The following TRIQK variants were observed in gnomAD, a reference collection of about 807,000 sequenced individuals.
TRIQK encodes the protein triple QxxK/R motif containing, also known as triple QxxK/R motif-containing protein.
In TRIQK, 10 loss-of-function variants were observed where a neutral mutation model predicts 10.8. That is an observed-to-expected ratio of 0.92 (90% CI 0.57 to 1.57). The LOEUF (loss-of-function observed/expected upper bound fraction) is 1.57, where lower values mean the gene tolerates loss of function less well. Among genes scored for constraint, TRIQK ranks in the 40% most tolerant of loss-of-function variants. The probability of loss-of-function intolerance (pLI) is 0.00; values close to 1 mark genes in which losing one functional copy is unlikely to be tolerated. For missense variants in TRIQK, 107 were observed against 97.7 expected, an observed-to-expected ratio of 1.09 and a Z score of -0.40; for synonymous variants, 33 against 33.7, an observed-to-expected ratio of 0.98 and a Z score of 0.07.
intron 3 of TRIQK, among the ~76,000 whole-genome samples, chr8:92,902,901 A>T (rs1040472423): frequency 2.0e-5 from 3 of 151,636 alleles, no homozygotes; most frequent in African/African-American, 7.3e-5. Context: ...ATGTATTGTG[A>T]TTTTGACTCT....
At chr8:92,887,507 T>A (rs1816548196) in intron 4 of TRIQK, among the ~76,000 whole-genome samples, 1 of 151,484 alleles carries the variant, frequency 6.6e-6, no homozygotes, top group Admixed American at 6.6e-5. Context: ...TATATGTATA[T>A]ATCTCTGTGT....
chr8:92,930,833 T>C (rs966824900), intron 2 of TRIQK, among the ~76,000 whole-genome samples: 24 of 152,302 alleles, frequency 1.6e-4, no homozygotes, highest in African/African-American at 5.8e-4. Flanking sequence ...TCAAGATTGT[T>C]TGAATTATCA....
Position 92,947,887 on chromosome 8 carries a change from AAGAC to A in TRIQK, c.-22+6515_-22+6518del, listed in dbSNP as rs200807888. ...ACTTGAGGGACGGTAGAAGAAAACTAAGACAGGAAAAAAATGGCATCTTCTATTT... is the reference window on the plus strand; with the variant it reads ...ACTTGAGGGACGGTAGAAGAAAACTAAGGAAAAAAATGGCATCTTCTATTT... On this transcript the variant is annotated intron_variant, in intron 2 of 4. Coordinates refer to ENST00000521988, the MANE Select transcript of TRIQK (RefSeq NM_001171797.2). 9.0e-3 allele frequency among the ~76,000 whole-genome samples: 1,375 copies of A among 152,320 alleles called. 13 individuals carry two copies. Among genetic ancestry groups the A allele is most frequent in the African/African-American group, 0.026 (1,101 of 41,568 alleles).
intron 3 of TRIQK, 145 bp from the exon 4 acceptor site, chr8:92,892,219 T>C: frequency 1.8e-6 from 1 of 548,646 alleles, no homozygotes; most frequent in Non-Finnish European, 3.1e-6. Flanking sequence ...ACCATAAACT[T>C]GTCACCAAAA....
chr8:92,917,009 T>A lies in TRIQK; in HGVS notation c.-20A>T. 1 of 1,481,038 alleles carries A rather than the reference T, an allele frequency of 6.8e-7. No individual in the cohort carries two copies. The highest frequency in any genetic ancestry group is 8.9e-7 in the Non-Finnish European group (1 of 1,124,390). 91.7% of individuals were successfully genotyped at this position (1,481,038 alleles called of 1,614,324 possible). A position where few individuals can be genotyped will look rare whatever the true frequency, so the allele number is the denominator to read the frequency against. On this transcript the variant is annotated splice_region_variant and 5_prime_UTR_variant, in exon 3 of 5. Coordinates refer to ENST00000521988, the MANE Select transcript of TRIQK (RefSeq NM_001171797.2). ...ACCCATCTTTGATCTCCAAAATGCC[T>A]GCTGAAAAGAAAACAATTATAATGA...
rs1816799354 is a variant in TRIQK, at chr8:92,892,115, A to G, written c.62-41T>C. 7 of 1,290,350 alleles carry G rather than the reference A, an allele frequency of 5.4e-6. No individual in the cohort carries two copies. In the South Asian group the frequency reaches 9.5e-5, roughly 17 times the overall value. The allele number at this position is 1,290,350 out of a possible 1,614,324, so 79.9% of individuals were successfully genotyped here. A position where few individuals can be genotyped will look rare whatever the true frequency, so the allele number is the denominator to read the frequency against. On this transcript the variant is annotated intron_variant, in intron 3 of 4. Transcript: ENST00000521988. ...TTCAGACAATGAGTTATGCTCATAT[A>G]TAATTAAGTTTAACAATCATTTGAA...
At chr8:92,959,302 C>A (rs1226599337) in intron 1 of TRIQK, among the ~76,000 whole-genome samples, 3 of 151,994 alleles carry the variant, frequency 2.0e-5, no homozygotes, top group African/African-American at 7.2e-5. Context: ...GGTTTCCTCT[C>A]TGGCATAAAT....
chr8:92,996,779 T>A (rs1412773279), intron 1 of TRIQK, among the ~76,000 whole-genome samples: 1 of 152,014 alleles, frequency 6.6e-6, no homozygotes, highest in African/African-American at 2.4e-5. Flanking sequence ...TTGGGAAGTT[T>A]AATAAGGAGT....
chr8:92,995,221 T>G (rs1399175455), intron 1 of TRIQK, among the ~76,000 whole-genome samples: 1 of 152,086 alleles, frequency 6.6e-6, no homozygotes, highest in Non-Finnish European at 1.5e-5. Context: ...TACTCTCTTA[T>G]TATCTTAATG....
chr8:92,911,914 T>TAC (rs1307009365), intron 3 of TRIQK, among the ~76,000 whole-genome samples: 3 of 149,272 alleles, frequency 2.0e-5, no homozygotes, highest in Non-Finnish European at 3.0e-5. Flanking sequence ...TATATATATA[T>TAC]ATATATATGC....
intron 3 of TRIQK, among the ~76,000 whole-genome samples, chr8:92,904,772 G>C (rs1358100248): frequency 6.6e-6 from 1 of 152,158 alleles, no homozygotes; most frequent in African/African-American, 2.4e-5. Context: ...ATGATATGAT[G>C]TAAGTCTTGG....
At chr8:92,944,322 A>T (rs1811414174) in intron 2 of TRIQK, among the ~76,000 whole-genome samples, 1 of 147,888 alleles carries the variant, frequency 6.8e-6, no homozygotes, top group South Asian at 2.1e-4. Context: ...AAAAAAAAAT[A>T]GAACTACTAT....
At chr8:92,999,723 A>C (rs1042136991) in intron 1 of TRIQK, among the ~76,000 whole-genome samples, 5 of 152,150 alleles carry the variant, frequency 3.3e-5, no homozygotes, top group South Asian at 2.1e-4. Flanking sequence ...ATTGTTGACC[A>C]GCATTTTGTT....
At chr8:92,948,498 C>G (rs1438562618) in intron 2 of TRIQK, among the ~76,000 whole-genome samples, 2 of 152,142 alleles carry the variant, frequency 1.3e-5, no homozygotes, top group African/African-American at 4.8e-5. Flanking sequence ...ACAATGAATT[C>G]ATTGCAACAA....
At chr8:92,917,154 CAA>C in intron 2 of TRIQK, 144 bp from the exon 3 acceptor site, 1 of 406,880 alleles carries the variant, frequency 2.5e-6, no homozygotes, top group South Asian at 8.0e-5. Flanking sequence ...ATAAAGAAAA[CAA>C]AATTCTTTTA....
chr8:92,961,452 C>T (rs1292033862), intron 1 of TRIQK, among the ~76,000 whole-genome samples: 1 of 152,012 alleles, frequency 6.6e-6, no homozygotes, highest in African/African-American at 2.4e-5. Flanking sequence ...ATGACGGCAA[C>T]GTATTATAAT....
chr8:92,947,228 T>C (rs980338213), intron 2 of TRIQK, among the ~76,000 whole-genome samples: 6 of 151,224 alleles, frequency 4.0e-5, no homozygotes, highest in Non-Finnish European at 7.4e-5. Context: ...ATCCTTCCTA[T>C]GCCTCTCTCA....
intron 4 of TRIQK, among the ~76,000 whole-genome samples, chr8:92,888,380 A>C (rs1346428222): frequency 6.6e-6 from 1 of 151,678 alleles, no homozygotes; most frequent in East Asian, 1.9e-4. Flanking sequence ...AAGGCATTTA[A>C]GGGATAGGAA....
chr8:92,884,270 A>T lies in TRIQK; in HGVS notation c.*2352T>A, dbSNP rs1285836571. The T allele has an allele frequency of 2.0e-5, 3 of 153,164 alleles. No individual in the cohort carries two copies. Among genetic ancestry groups the T allele is most frequent in the African/African-American group, 7.2e-5 (3 of 41,384 alleles). 9.5% of individuals were successfully genotyped at this position (153,164 alleles called of 1,614,324 possible). ...ATCACCTTTCTGTCTTCAAAGATTC[A>T]AACCAGACTCCCAATCTGGGATTTC... On this transcript the variant is annotated 3_prime_UTR_variant, in exon 5 of 5. Transcript: ENST00000521988.
Sources: gnomAD v4.1 joint callset for allele counts (sites outside exome capture counted in the v4.1 genomes callset) on GRCh38, gnomAD v4.1.1 for gene constraint, MANE v1.5 for transcripts, NCBI Gene and HGNC (gene_info 2026-07-23, HGNC 2026-07-21) for gene names.